ALDH1A2: variants seen among roughly 807,000 people sequenced by gnomAD.
ALDH1A2 encodes aldehyde dehydrogenase 1 family member A2.
ALDH1A2 carries 27 observed loss-of-function variants against 60.3 expected under a neutral mutation model. The observed-to-expected ratio is 0.45, with a 90% confidence interval of 0.33 to 0.62. ALDH1A2 has a LOEUF of 0.62. Among genes scored for constraint, ALDH1A2 ranks in the 20% least tolerant of loss-of-function variants. ALDH1A2 has a pLI of 0.02. For synonymous variants in ALDH1A2, 289 were observed against 232.4 expected, an observed-to-expected ratio of 1.24 and a Z score of -2.21; for missense variants, 581 against 643.8, an observed-to-expected ratio of 0.90 and a Z score of 1.06.
In ALDH1A2 at chr15:57,960,851, G is replaced by C. The variant is rs371309158; in HGVS notation, c.1410-7C>G. On this transcript the variant is annotated splice_polypyrimidine_tract_variant and splice_region_variant and intron_variant, in intron 11 of 12. Transcript: ENST00000249750. ...GGCATTGTAACAATTGATCCTGAAAGAAGAAAACATAGCACTGTGAGTTCG... is the reference window on the plus strand; with the variant it reads ...GGCATTGTAACAATTGATCCTGAAACAAGAAAACATAGCACTGTGAGTTCG... 3.1e-5 allele frequency: 50 copies of C among 1,613,264 alleles called. No individual in the cohort carries two copies. Among genetic ancestry groups the C allele is most frequent in the Non-Finnish European group, 4.1e-5 (48 of 1,179,350 alleles).
rs115369174 is a variant in ALDH1A2, at chr15:58,019,717, T to C, written c.118-5436A>G. On this transcript the variant is annotated intron_variant, in intron 1 of 12. Transcript: ENST00000249750. ...TAACTGTCCACTGACATATTATAGG[T>C]TGTTGTTGGTTTTAAAAAGACAGAA... 5.1e-3 allele frequency among the ~76,000 whole-genome samples: 776 copies of C among 152,260 alleles called. 10 individuals are homozygous for C. The highest frequency in any genetic ancestry group is 0.018 in the African/African-American group (739 of 41,552).
At chr15:58,028,526 G>C (rs1363043996) in intron 1 of ALDH1A2, among the ~76,000 whole-genome samples, 1 of 152,156 alleles carries the variant, frequency 6.6e-6, no homozygotes, top group African/African-American at 2.4e-5. Context: ...ACATCATAAT[G>C]ACAGGATCAA....
At chr15:58,011,957 T>C (rs1246335656) in intron 3 of ALDH1A2, 1 of 152,202 alleles carries the variant, frequency 6.6e-6, no homozygotes, top group African/African-American at 2.4e-5. Context: ...CCGACACCAG[T>C]CAAATCCACT....
At chr15:58,012,536 T>A (rs1162166791) in intron 3 of ALDH1A2, among the ~76,000 whole-genome samples, 2 of 152,214 alleles carry the variant, frequency 1.3e-5, no homozygotes, top group Non-Finnish European at 2.9e-5. Context: ...GCCTTTAATA[T>A]GCCCAGTGTC....
chr15:57,961,090 C>T (rs1303991434), intron 11 of ALDH1A2, 47 bp downstream of exon 11: 1 of 1,608,124 alleles, frequency 6.2e-7, no homozygotes, highest in South Asian at 1.1e-5. Context: ...TCACCCTGGT[C>T]CCTATACCAC....
chr15:57,956,630 C>T (rs556722814), intron 12 of ALDH1A2, among the ~76,000 whole-genome samples: 1 of 152,216 alleles, frequency 6.6e-6, no homozygotes, highest in Non-Finnish European at 1.5e-5. Flanking sequence ...TGAAATTGCC[C>T]CACTCGTTGC....
chr15:58,007,713 T>C (rs1001398048), intron 4 of ALDH1A2, among the ~76,000 whole-genome samples: 4 of 151,970 alleles, frequency 2.6e-5, no homozygotes, highest in African/African-American at 9.6e-5. Context: ...TAAAATTAGG[T>C]TGTTTTGTAG....
At chr15:58,033,066 T>C (rs1372459993) in intron 1 of ALDH1A2, among the ~76,000 whole-genome samples, 1 of 151,942 alleles carries the variant, frequency 6.6e-6, no homozygotes, top group Non-Finnish European at 1.5e-5. Context: ...AAAGGATACC[T>C]ATAGTAAGAT....
At chr15:58,061,959 T>C (rs1308722719) in intron 1 of ALDH1A2, among the ~76,000 whole-genome samples, 4 of 152,204 alleles carry the variant, frequency 2.6e-5, no homozygotes, top group Non-Finnish European at 4.4e-5. Context: ...AGAAGGCAGA[T>C]GTTTCCAGTC....
At chr15:58,045,126 G>GCCA (rs543347201) in intron 1 of ALDH1A2, among the ~76,000 whole-genome samples, 112 of 152,196 alleles carry the variant, frequency 7.4e-4, no homozygotes, top group Middle Eastern at 3.4e-3. Context: ...CATTTATGCA[G>GCCA]CCAACAAACA....
At chr15:57,978,873 C>T (rs1595632068) in intron 7 of ALDH1A2, among the ~76,000 whole-genome samples, 1 of 152,152 alleles carries the variant, frequency 6.6e-6, no homozygotes, top group East Asian at 1.9e-4. Context: ...CTCGTCTCTA[C>T]TAAAAATACA....
At chr15:57,973,979 T>G (rs1894155107) in intron 7 of ALDH1A2, among the ~76,000 whole-genome samples, 1 of 152,182 alleles carries the variant, frequency 6.6e-6, no homozygotes, top group African/African-American at 2.4e-5. Flanking sequence ...CTCTCTCAGT[T>G]CCCTATTGAA....
intron 1 of ALDH1A2, chr15:58,036,489 T>G (rs1364963562): frequency 1.3e-5 from 2 of 151,586 alleles, no homozygotes. Context: ...TGCAACCACT[T>G]TTTAACATTA....
At chr15:57,988,898 G>A (rs1260879576) in intron 7 of ALDH1A2, among the ~76,000 whole-genome samples, 2 of 152,118 alleles carry the variant, frequency 1.3e-5, no homozygotes, top group Non-Finnish European at 2.9e-5. Flanking sequence ...GCCGGGCGCA[G>A]TGGCTCACAC....
chr15:58,013,661 A>C (rs1595667037), intron 3 of ALDH1A2, among the ~76,000 whole-genome samples, 197 bp downstream of exon 3: 4 of 152,302 alleles, frequency 2.6e-5, no homozygotes. Flanking sequence ...CTGAGGCAGG[A>C]GAATCGCTTG....
At chr15:58,012,658 A>C in intron 3 of ALDH1A2, among the ~76,000 whole-genome samples, 1 of 152,210 alleles carries the variant, frequency 6.6e-6, no homozygotes, top group East Asian at 1.9e-4. Context: ...AAATATTTTT[A>C]TATACACATA....
intron 4 of ALDH1A2, among the ~76,000 whole-genome samples, chr15:58,003,757 G>A (rs1377232829): frequency 6.6e-6 from 1 of 151,844 alleles, no homozygotes; most frequent in Non-Finnish European, 1.5e-5. Context: ...TCAAAATGGA[G>A]AAAACAATAC....
intron 9 of ALDH1A2, 120 bp downstream of exon 9, chr15:57,963,765 G>T: frequency 1.0e-6 from 1 of 996,738 alleles, no homozygotes; most frequent in Non-Finnish European, 1.5e-6. Context: ...AAGACATGGT[G>T]GAGAATAAAG....
chr15:57,974,873 A>G (rs1015276178), intron 7 of ALDH1A2, among the ~76,000 whole-genome samples: 1 of 152,270 alleles, frequency 6.6e-6, no homozygotes, highest in African/African-American at 2.4e-5. Flanking sequence ...TCATAATTCA[A>G]CAATGAGGAA....
Sources: allele counts gnomAD v4.1 joint callset (sites outside exome capture counted in the v4.1 genomes callset), GRCh38; gene constraint gnomAD v4.1.1; transcripts MANE v1.5; gene names NCBI Gene and HGNC (gene_info 2026-07-23, HGNC 2026-07-21).